NPHS2: variants seen among roughly 807,000 people sequenced by gnomAD.
The protein encoded by NPHS2 is podocin.
In NPHS2, 36 loss-of-function variants were observed where a neutral mutation model predicts 37.1. The observed-to-expected ratio is 0.97, with a 90% CI of 0.74 to 1.28. The LOEUF (loss-of-function observed/expected upper bound fraction) is 1.28, where lower values mean the gene tolerates loss of function less well. Among genes scored for constraint, NPHS2 ranks in the 50% most tolerant of loss-of-function variants. The pLI is 0.00. For missense variants in NPHS2, 447 were observed against 488.1 expected, an observed-to-expected ratio of 0.92 and a Z score of 0.79; for synonymous variants, 196 against 189.3, an observed-to-expected ratio of 1.04 and a Z score of -0.29.
At chr1:179,564,177 C>T (rs72704497) in intron 2 of NPHS2, among the ~76,000 whole-genome samples, 21,280 of 152,208 alleles carry the variant, frequency 0.14, 2,367 homozygotes, top group African/African-American at 0.3. Flanking sequence ...TCCCGTTAAT[C>T]TTTCACAGGC....
chr1:179,551,044 T>G lies in NPHS2; in HGVS notation c.*129A>C. On this transcript the variant is annotated 3_prime_UTR_variant, in exon 8 of 8. Coordinates refer to ENST00000367615, the MANE Select transcript of NPHS2 (RefSeq NM_014625.4). ...CTTCTCATGGATGGTGCATTGTGAC[T>G]TCGTGCATTCCATGGCCATTCCATA... is the stretch of plus-strand genomic sequence containing the variant. The G allele has an allele frequency of 2.7e-6, 3 of 1,103,890 alleles. No individual in the cohort carries two copies. The highest frequency in any genetic ancestry group is 4.0e-6 in the Non-Finnish European group (3 of 742,426). The allele number at this position is 1,103,890 out of a possible 1,614,324, so 68.4% of individuals were successfully genotyped here. A position where few individuals can be genotyped will look rare whatever the true frequency, so the allele number is the denominator to read the frequency against.
intron 1 of NPHS2, among the ~76,000 whole-genome samples, chr1:179,573,506 G>T (rs753350191): frequency 2.2e-4 from 34 of 152,264 alleles, no homozygotes; most frequent in Non-Finnish European, 3.8e-4. Flanking sequence ...ATTTGACCAG[G>T]TAATATTTTC....
chr1:179,564,492 C>T (rs1184379220), intron 2 of NPHS2, among the ~76,000 whole-genome samples, 198 bp downstream of exon 2: 2 of 152,138 alleles, frequency 1.3e-5, no homozygotes, highest in African/African-American at 4.8e-5. Flanking sequence ...GAATGACAGT[C>T]TGGGGGAGTC....
intron 1 of NPHS2, among the ~76,000 whole-genome samples, chr1:179,569,089 C>CAA (rs1674446019): frequency 1.3e-5 from 2 of 152,142 alleles, no homozygotes; most frequent in Non-Finnish European, 2.9e-5. Flanking sequence ...GAGCTGAGTT[C>CAA]TGGTCCTGGA....
In NPHS2 at chr1:179,561,006, A is replaced by C. The variant is rs17278707; in HGVS notation, c.451+283T>G. On this transcript the variant is annotated intron_variant, in intron 3 of 7. Coordinates refer to ENST00000367615, the MANE Select transcript of NPHS2 (RefSeq NM_014625.4). ...TCTGACCATATACACATCGTACTCAAATCAGTCCCCAGCCATTGGTCCTAA... is the reference window on the plus strand; with the variant it reads ...TCTGACCATATACACATCGTACTCACATCAGTCCCCAGCCATTGGTCCTAA... Among the ~76,000 whole-genome samples, 30,844 of 152,218 alleles carry C rather than the reference A, an allele frequency of 0.2. 3,807 individuals are homozygous for C. Among genetic ancestry groups the C allele is most frequent in the Non-Finnish European group, 0.27 (18,508 of 67,978 alleles).
intron 1 of NPHS2, among the ~76,000 whole-genome samples, chr1:179,569,427 T>A (rs1025941727): frequency 3.3e-5 from 5 of 152,320 alleles, no homozygotes; most frequent in South Asian, 4.1e-4. Flanking sequence ...ATTTTGAGCC[T>A]ATGTGAATCT....
chr1:179,559,511 C>T (rs577996273), intron 4 of NPHS2, among the ~76,000 whole-genome samples, 168 bp downstream of exon 4: 108 of 152,232 alleles, frequency 7.1e-4, no homozygotes, highest in Admixed American at 1.4e-3. Flanking sequence ...CCCTAGATTG[C>T]CTTTGCACTC....
intron 3 of NPHS2, 45 bp from the exon 4 acceptor site, chr1:179,559,806 A>C: frequency 7.4e-7 from 1 of 1,359,256 alleles, no homozygotes; most frequent in Non-Finnish European, 1.0e-6. Flanking sequence ...GCTAGCATGA[A>C]GGCTGTTTGG....
chr1:179,575,567 C>T (rs1265994796), intron 1 of NPHS2, 24 bp downstream of exon 1: 3 of 1,599,734 alleles, frequency 1.9e-6, no homozygotes, highest in Non-Finnish European at 2.5e-6. Flanking sequence ...GGAAAAGTAG[C>T]AGATAGTGGT....
chr1:179,556,930 G>A lies in NPHS2; in HGVS notation c.738+97C>T, dbSNP rs575887952. 30 of 1,202,168 alleles carry A rather than the reference G, an allele frequency of 2.5e-5. No homozygotes were observed. Among genetic ancestry groups the A allele is most frequent in the Middle Eastern group, 2.4e-4 (1 of 4,126 alleles). 74.5% of individuals were successfully genotyped at this position (1,202,168 alleles called of 1,614,324 possible). A position where few individuals can be genotyped will look rare whatever the true frequency, so the allele number is the denominator to read the frequency against. ...GCTCCCAAAGGGATGGCCCCTAAGGGATGGAACTGGCCATAGAAGATTTAA... is the reference window on the plus strand; with the variant it reads ...GCTCCCAAAGGGATGGCCCCTAAGGAATGGAACTGGCCATAGAAGATTTAA... On this transcript the variant is annotated intron_variant, in intron 5 of 7. Transcript: ENST00000367615. This position sits in a 1 kb window ranked among gnomAD's most constrained non-coding sequence, Gnocchi z 4.1.
chr1:179,566,952 G>C (rs1674357141), intron 1 of NPHS2, among the ~76,000 whole-genome samples: 1 of 152,186 alleles, frequency 6.6e-6, no homozygotes, highest in Non-Finnish European at 1.5e-5. Context: ...ATACCATGCT[G>C]TTTTGGTTAC....
rs74315342 is a variant in NPHS2, at chr1:179,561,327, C to T, written c.413G>A (p.Arg138Gln). 1,286 of 1,613,114 alleles carry T rather than the reference C, an allele frequency of 8.0e-4. No individual in the cohort carries two copies. Among genetic ancestry groups the T allele is most frequent in the Non-Finnish European group, 1.0e-3 (1,216 of 1,179,302 alleles). The change falls in exon 3 of 8, where the codon CGA becomes CAA. Residue 138 changes from arginine (R) to glutamine (Q), a missense_variant. Physicochemically the swap from Arg to Gln is conservative, Grantham distance 43. Coordinates refer to ENST00000367615, the MANE Select transcript of NPHS2 (RefSeq NM_014625.4). ...VQEYERVIIF[R>Q]LGHLLPGRAK... ...TCTTCCAGGAAGCAGATGTCCCAGT[C>T]GGAATATAATTACTCTTTCATACTC...
chr1:179,570,100 A>G (rs11577571), intron 1 of NPHS2, among the ~76,000 whole-genome samples: 31,525 of 152,118 alleles, frequency 0.21, 3,858 homozygotes, highest in Non-Finnish European at 0.27. Context: ...GCCTTGCTAG[A>G]TTGGGGAAGT....
chr1:179,574,512 T>C (rs963477482), intron 1 of NPHS2, among the ~76,000 whole-genome samples: 1 of 152,186 alleles, frequency 6.6e-6, no homozygotes, highest in African/African-American at 2.4e-5. Flanking sequence ...AACCTCAGCA[T>C]TGAACCCAGC....
At chr1:179,552,545 G>A (rs1673440682) in intron 7 of NPHS2, 58 bp downstream of exon 7, 2 of 1,334,540 alleles carry the variant, frequency 1.5e-6, no homozygotes, top group Non-Finnish European at 2.1e-6. Flanking sequence ...AAGGGGAAAT[G>A]TTCTCCACGA....
intron 2 of NPHS2, among the ~76,000 whole-genome samples, chr1:179,563,284 A>G (rs144818385): frequency 3.1e-4 from 47 of 152,356 alleles, no homozygotes; most frequent in African/African-American, 1.1e-3. Flanking sequence ...TGTGTCAATG[A>G]TAAGCATAGA....
At chr1:179,566,250 G>C (rs1674330000) in intron 1 of NPHS2, among the ~76,000 whole-genome samples, 1 of 152,226 alleles carries the variant, frequency 6.6e-6, no homozygotes, top group Admixed American at 6.5e-5. Flanking sequence ...ACTTTTTAAT[G>C]ATTGCCATTC....
At chr1:179,554,374 C>CT in intron 6 of NPHS2, 102 bp downstream of exon 6, 1 of 1,356,636 alleles carries the variant, frequency 7.4e-7, no homozygotes, top group Non-Finnish European at 1.1e-6. Flanking sequence ...GCTGATATGG[C>CT]TATAGTACTC....
chr1:179,575,323 C>T (rs2101886601), intron 1 of NPHS2, among the ~76,000 whole-genome samples: 1 of 152,286 alleles, frequency 6.6e-6, no homozygotes, highest in South Asian at 2.1e-4. Flanking sequence ...TTGCTTCGTC[C>T]CCAACCTGTA....
Sources: gnomAD v4.1 joint callset for allele counts (sites outside exome capture counted in the v4.1 genomes callset) on GRCh38, gnomAD v4.1.1 for gene constraint, Gnocchi (gnomAD v3.1) non-coding constraint, MANE v1.5 for transcripts, NCBI Gene and HGNC (gene_info 2026-07-23, HGNC 2026-07-21) for gene names.